CHD1L: variants seen among roughly 807,000 people sequenced by gnomAD.
CHD1L encodes the protein chromodomain helicase DNA binding protein 1 like, also known as ATP-dependent chromatin remodeler CHD1L.
A neutral mutation model predicts 115.9 loss-of-function variants in CHD1L; 118 were observed. The ratio of observed to expected loss-of-function variants is 1.02; its 90% CI spans 0.88 to 1.19. CHD1L has a LOEUF of 1.19. CHD1L is among the 50% of genes most tolerant of loss of function. The probability of loss-of-function intolerance (pLI) is 0.00; values close to 1 mark genes in which losing one functional copy is unlikely to be tolerated. For synonymous variants in CHD1L, 411 were observed against 387.1 expected (o/e 1.06, Z -0.72); for missense variants, 1,179 against 1,065.3 (o/e 1.11, Z -1.49).
At chr1:147,264,993 C>A (rs1466693286) in intron 7 of CHD1L, among the ~76,000 whole-genome samples, 1 of 152,150 alleles carries the variant, frequency 6.6e-6, no homozygotes, top group Non-Finnish European at 1.5e-5. Flanking sequence ...TCTTTTAATG[C>A]TGCACCAAAA....
the CHD1L span, chr1:147,214,673 T>C: frequency 6.6e-6 from 1 of 152,080 alleles, no homozygotes; most frequent in South Asian, 2.1e-4. Context: ...GAACCTGATA[T>C]TTCATGTCCT....
At chr1:147,265,876 C>T (rs1046754195) in intron 7 of CHD1L, 56 bp from the exon 8 acceptor site, 18 of 1,509,224 alleles carry the variant, frequency 1.2e-5, no homozygotes, top group Middle Eastern at 1.8e-4. Flanking sequence ...CTCTAGGGTT[C>T]ATTGCCTTGG....
chr1:147,282,624 G>A (rs782358395), intron 15 of CHD1L, among the ~76,000 whole-genome samples: 1 of 152,088 alleles, frequency 6.6e-6, no homozygotes, highest in African/African-American at 2.4e-5. Flanking sequence ...TCACTTTGTG[G>A]TTTCAAGTGA....
Position 147,294,394 on chromosome 1 carries a change from T to G in CHD1L, c.2507-15T>G, listed in dbSNP as rs1686785295. 1 of 1,588,104 alleles carries G rather than the reference T, an allele frequency of 6.3e-7. No individual in the cohort carries two copies. Among genetic ancestry groups the G allele is most frequent in the African/African-American group, 1.3e-5 (1 of 74,304 alleles). On this transcript the variant is annotated splice_polypyrimidine_tract_variant and intron_variant, in intron 21 of 22. Coordinates refer to ENST00000369258, the MANE Select transcript of CHD1L (RefSeq NM_004284.6). ...TTTTGATGAGTGAAGACATGTGTTCTTCTCTTCATAATAGCAAGTGTTCAT... is the reference window on the plus strand; with the variant it reads ...TTTTGATGAGTGAAGACATGTGTTCGTCTCTTCATAATAGCAAGTGTTCAT...
intron 16 of CHD1L, 40 bp from the exon 17 acceptor site, chr1:147,285,284 A>G: frequency 6.3e-7 from 1 of 1,589,446 alleles, no homozygotes; most frequent in Non-Finnish European, 8.5e-7. Context: ...TCGGGGAGGA[A>G]TCTTCTTGAC....
At chr1:147,264,980 A>G (rs1553946957) in intron 7 of CHD1L, among the ~76,000 whole-genome samples, 1 of 152,178 alleles carries the variant, frequency 6.6e-6, no homozygotes, top group Non-Finnish European at 1.5e-5. Context: ...CAGCACTGGT[A>G]TTTCTTTTAA....
At chr1:147,272,759 T>G (rs1676727398) in intron 12 of CHD1L, among the ~76,000 whole-genome samples, 1 of 152,222 alleles carries the variant, frequency 6.6e-6, no homozygotes, top group African/African-American at 2.4e-5. Flanking sequence ...GAATTATTTA[T>G]GACATCATCC....
the CHD1L span, chr1:147,178,440 T>G: frequency 1.2e-6 from 2 of 1,611,464 alleles, no homozygotes; most frequent in Non-Finnish European, 1.7e-6. Context: ...TTAGAGATGG[T>G]GAAGAAGCAG....
At chr1:147,239,076 T>C (rs1221713872), upstream of CHD1L, among the ~76,000 whole-genome samples, 2 of 152,228 alleles carry the variant, frequency 1.3e-5, no homozygotes, top group African/African-American at 4.8e-5. Flanking sequence ...GCCCCACGTC[T>C]ATCAGTTTGT....
chr1:147,205,971 G>A, the CHD1L span, among the ~76,000 whole-genome samples: 1 of 152,036 alleles, frequency 6.6e-6, no homozygotes, highest in Non-Finnish European at 1.5e-5. Context: ...CCATCAAAGT[G>A]AACAGGCAAC....
At chr1:147,204,895 T>C in the CHD1L span, 2 of 1,584,212 alleles carry the variant, frequency 1.3e-6, no homozygotes, top group East Asian at 2.2e-5. Context: ...CTTGAGCATC[T>C]GGGCGAAGCC....
At chr1:147,194,812 C>G in the CHD1L span, among the ~76,000 whole-genome samples, 1 of 151,994 alleles carries the variant, frequency 6.6e-6, no homozygotes, top group African/African-American at 2.4e-5. Flanking sequence ...AAATTCTTTT[C>G]TTTAAGAATG....
the CHD1L span, chr1:147,178,176 C>T: frequency 1.9e-6 from 3 of 1,611,118 alleles, no homozygotes; most frequent in African/African-American, 1.3e-5. Context: ...CGGCCCGCCT[C>T]GCGGCTGCCT....
chr1:147,192,549 T>C, the CHD1L span, among the ~76,000 whole-genome samples: 2 of 151,858 alleles, frequency 1.3e-5, no homozygotes, highest in African/African-American at 4.9e-5. Context: ...CAACACTCTG[T>C]TGAATAGGAG....
At chr1:147,203,152 C>G in the CHD1L span, 1 of 433,428 alleles carries the variant, frequency 2.3e-6, no homozygotes, top group East Asian at 4.3e-5. Flanking sequence ...TTTATTATAA[C>G]ATCCAGCCAA....
chr1:147,260,065 C>T, intron 6 of CHD1L, 147 bp downstream of exon 6: 1 of 573,866 alleles, frequency 1.7e-6, no homozygotes. Context: ...GTACAGCTGT[C>T]CCCTGTCCCC....
At chr1:147,250,682 C>T (rs1225547620) in intron 1 of CHD1L, among the ~76,000 whole-genome samples, 1 of 152,108 alleles carries the variant, frequency 6.6e-6, no homozygotes, top group Non-Finnish European at 1.5e-5. Context: ...ATGCTTTCCA[C>T]TTAGCCTTTG....
chr1:147,263,532 G>C (rs912958055), intron 6 of CHD1L, among the ~76,000 whole-genome samples: 3 of 151,238 alleles, frequency 2.0e-5, no homozygotes, highest in Non-Finnish European at 4.4e-5. Context: ...TGTCAGTTTA[G>C]AGAATATCTT....
the CHD1L span, among the ~76,000 whole-genome samples, chr1:147,218,943 A>G: frequency 3.3e-5 from 5 of 152,332 alleles, no homozygotes; most frequent in African/African-American, 7.2e-5. Flanking sequence ...CTCTCTGTTC[A>G]TATTTCTATA....
Sources: allele counts gnomAD v4.1 joint callset (sites outside exome capture counted in the v4.1 genomes callset), GRCh38; gene constraint gnomAD v4.1.1; transcripts MANE v1.5; gene names NCBI Gene and HGNC (gene_info 2026-07-23, HGNC 2026-07-21).